The following TAFA4 variants were observed in gnomAD, a reference collection of about 807,000 sequenced individuals.
TAFA4 encodes chemokine-like protein TAFA-4.
TAFA4 carries 20 observed loss-of-function variants against 21.1 expected under a neutral mutation model. That is an observed-to-expected ratio of 0.95 (90% CI 0.67 to 1.38). TAFA4 has a LOEUF of 1.38. Among genes scored for constraint, TAFA4 ranks in the 40% most tolerant of loss-of-function variants. The pLI is 0.00. For missense variants in TAFA4, 211 were observed against 180.9 expected, an observed-to-expected ratio of 1.17 and a Z score of -0.95; for synonymous variants, 71 against 67.4, an observed-to-expected ratio of 1.05 and a Z score of -0.26.
chr3:68,787,101 C>T (rs1253770579), intron 3 of TAFA4, among the ~76,000 whole-genome samples: 1 of 152,028 alleles, frequency 6.6e-6, no homozygotes, highest in Non-Finnish European at 1.5e-5. Context: ...CCACAGGAGC[C>T]TCATAATTAA....
chr3:68,794,560 A>G lies in TAFA4; in HGVS notation c.131-41542T>C, dbSNP rs1461848989. ...TCCTTAGCACTTTCATATCGTTTCT[A>G]TTTTCTGTGACTCCCTCTTTTCATC... On this transcript the variant is annotated intron_variant, in intron 3 of 5. Transcript: ENST00000295569. Among the ~76,000 whole-genome samples, 23 of 151,912 alleles carry G rather than the reference A, an allele frequency of 1.5e-4. No homozygotes were observed. In the East Asian group the frequency reaches 4.3e-3, roughly 28 times the overall value.
At chr3:68,817,609 G>T (rs116199300) in intron 3 of TAFA4, among the ~76,000 whole-genome samples, 1 of 152,182 alleles carries the variant, frequency 6.6e-6, no homozygotes, top group Non-Finnish European at 1.5e-5. Flanking sequence ...AATAAGACTT[G>T]TAAGTTGAAA....
At chr3:68,908,467 A>G (rs2089925226) in intron 1 of TAFA4, among the ~76,000 whole-genome samples, 2 of 152,060 alleles carry the variant, frequency 1.3e-5, no homozygotes, top group East Asian at 1.9e-4. Flanking sequence ...TAAATTTGGG[A>G]ATGACCTGAA....
chr3:68,744,266 G>A (rs749127731), intron 4 of TAFA4, among the ~76,000 whole-genome samples: 5 of 152,160 alleles, frequency 3.3e-5, no homozygotes, highest in South Asian at 2.1e-4. Context: ...GCCAGCAGAC[G>A]CATGTGGCTG....
chr3:68,778,537 T>C (rs1602198), intron 3 of TAFA4, among the ~76,000 whole-genome samples: 42,001 of 152,118 alleles, frequency 0.28, 7,207 homozygotes, highest in Non-Finnish European at 0.39. Flanking sequence ...TGGGAGGTAA[T>C]TGAATCATGG....
At chr3:68,747,456 T>A (rs1460925199) in intron 4 of TAFA4, among the ~76,000 whole-genome samples, 1 of 152,074 alleles carries the variant, frequency 6.6e-6, no homozygotes, top group Non-Finnish European at 1.5e-5. Context: ...TAAAGGGCAG[T>A]TCCCCTGCAC....
At chr3:68,885,335 A>T (rs2106957175) in intron 1 of TAFA4, 25 bp from the exon 2 acceptor site, 2 of 634,296 alleles carry the variant, frequency 3.2e-6, no homozygotes, top group East Asian at 5.5e-5. Context: ...CCAAAAAAAA[A>T]AAAGGAATCA....
chr3:68,916,531 C>G (rs867448272), intron 1 of TAFA4, among the ~76,000 whole-genome samples: 3 of 152,206 alleles, frequency 2.0e-5, no homozygotes, highest in Non-Finnish European at 2.9e-5. Flanking sequence ...ATTATTACCT[C>G]ATTAAAACTA....
chr3:68,862,847 A>G (rs1055109197), intron 3 of TAFA4, among the ~76,000 whole-genome samples: 6 of 129,880 alleles, frequency 4.6e-5, no homozygotes, highest in African/African-American at 1.6e-4. Flanking sequence ...CCAAGCTTAA[A>G]AGAATTTTCA....
chr3:68,898,812 G>A (rs1464540633), intron 1 of TAFA4, among the ~76,000 whole-genome samples: 1 of 152,102 alleles, frequency 6.6e-6, no homozygotes, highest in Non-Finnish European at 1.5e-5. Context: ...AAGTAAACCC[G>A]TTTACTTACC....
intron 3 of TAFA4, among the ~76,000 whole-genome samples, chr3:68,810,927 G>A (rs1703822053): frequency 6.6e-6 from 1 of 152,192 alleles, no homozygotes; most frequent in South Asian, 2.1e-4. Context: ...ACCCCCAGTA[G>A]GGGCAGTCTG....
intron 3 of TAFA4, among the ~76,000 whole-genome samples, chr3:68,783,738 AAAGAAAG>A (rs1462589058): frequency 2.9e-4 from 44 of 149,442 alleles, no homozygotes; most frequent in Non-Finnish European, 4.6e-4. Flanking sequence ...AGAAAGAAAG[AAAGAAAG>A]TAAGAAAGAA....
chr3:68,842,394 G>A (rs994059445), intron 3 of TAFA4, among the ~76,000 whole-genome samples: 2 of 152,142 alleles, frequency 1.3e-5, no homozygotes, highest in Admixed American at 1.3e-4. Flanking sequence ...TGATGGAGTT[G>A]TTTTATTCTT....
chr3:68,897,156 C>G (rs1171345632), intron 1 of TAFA4, among the ~76,000 whole-genome samples: 2 of 152,016 alleles, frequency 1.3e-5, no homozygotes, highest in East Asian at 3.9e-4. Context: ...CCCGCCTCGA[C>G]CTCCCAAAGT....
intron 1 of TAFA4, among the ~76,000 whole-genome samples, chr3:68,891,821 T>A (rs898447501): frequency 6.6e-6 from 1 of 152,200 alleles, no homozygotes; most frequent in African/African-American, 2.4e-5. Flanking sequence ...CATAAAACCA[T>A]TCATCATTTC....
rs576469655 is a variant in TAFA4 at position 68,878,284 on chromosome 3, T to A, written c.130+2446A>T. ...CAAGTTCTCAACTTTCTCAGCTCCA[T>A]CAGAAAACTAGCTATGACTCCATCT... On this transcript the variant is annotated intron_variant, in intron 3 of 5. Coordinates refer to ENST00000295569, the MANE Select transcript of TAFA4 (RefSeq NM_182522.5). Among the ~76,000 whole-genome samples the A allele has an allele frequency of 3.9e-5, 6 of 152,324 alleles. No homozygotes were observed. The South Asian group carries it at 1.2e-3, about 32-fold the overall frequency.
intron 3 of TAFA4, among the ~76,000 whole-genome samples, chr3:68,825,037 C>T (rs1463032653): frequency 6.6e-6 from 1 of 152,112 alleles, no homozygotes; most frequent in East Asian, 1.9e-4. Context: ...CATAGGTAAA[C>T]ATGTGCCATG....
chr3:68,928,810 G>A (rs1238383582), intron 1 of TAFA4, among the ~76,000 whole-genome samples: 2 of 151,906 alleles, frequency 1.3e-5, no homozygotes, highest in African/African-American at 4.8e-5. Flanking sequence ...AAGTGCACTG[G>A]GCTAGGAATT....
intron 1 of TAFA4, among the ~76,000 whole-genome samples, chr3:68,912,946 G>A (rs2089973568): frequency 1.3e-5 from 2 of 152,142 alleles, no homozygotes; most frequent in Non-Finnish European, 1.5e-5. Context: ...CATGGCTGCT[G>A]GAAGAAGTGT....
Sources: gnomAD v4.1 joint callset for allele counts (sites outside exome capture counted in the v4.1 genomes callset) on GRCh38, gnomAD v4.1.1 for gene constraint, MANE v1.5 for transcripts, NCBI Gene and HGNC (gene_info 2026-07-23, HGNC 2026-07-21) for gene names.